Variants in ZNF804A observed in about 807,000 individuals in gnomAD.
ZNF804A encodes zinc finger protein 804A.
Under a neutral mutation model 16.5 loss-of-function variants are expected in ZNF804A, and 2 were observed. That is an observed-to-expected ratio of 0.12 (90% CI 0.05 to 0.38). The LOEUF is 0.38. ZNF804A is among the 10% of genes least tolerant of loss of function. ZNF804A has a pLI of 0.99. For synonymous variants in ZNF804A, 534 were observed against 489.6 expected, an observed-to-expected ratio of 1.09 and a Z score of -1.20; for missense variants, 1,473 against 1,390.7, an observed-to-expected ratio of 1.06 and a Z score of -0.94.
intron 2 of ZNF804A, among the ~76,000 whole-genome samples, chr2:184,877,410 T>C (rs1481843163): frequency 1.3e-5 from 2 of 152,072 alleles, no homozygotes; most frequent in Non-Finnish European, 2.9e-5. Flanking sequence ...AATATTACCA[T>C]CATGTGGAGA....
rs34262998 is a variant in ZNF804A at position 184,607,936 on chromosome 2, C to CTTTTTTTT, written c.111+8886_111+8893dup. On this transcript the variant is annotated intron_variant, in intron 1 of 3. Transcript: ENST00000302277. The stretch of plus-strand genomic sequence containing the variant: ...CACCATGGAGAACCTTGATGCATCT[C>CTTTTTTTT]TTTTTTTTTTTTTTTTTTTTTTTTT... Among the ~76,000 whole-genome samples the CTTTTTTTT allele has an allele frequency of 7.9e-4, 52 of 65,654 alleles. 9 individuals carry two copies. The highest frequency in any genetic ancestry group is 1.5e-3 in the African/African-American group (23 of 15,224). 43.1% of individuals were successfully genotyped at this position (65,654 alleles called of 152,430 possible).
rs112386296 is a variant in ZNF804A, at chr2:184,936,743, G to T, written c.1347G>T (p.Thr449=). 5.5e-3 allele frequency: 8,830 copies of T among 1,613,742 alleles called. 35 individuals are homozygous for T. Among genetic ancestry groups the T allele is most frequent in the Non-Finnish European group, 6.8e-3 (7,970 of 1,179,886 alleles). ...CAGAAATGCTGGTTTATACAACTACGAAACCATCAATTTCCTATAGCTGTA... is the reference window on the plus strand; with the variant it reads ...CAGAAATGCTGGTTTATACAACTACTAAACCATCAATTTCCTATAGCTGTA... ...WPSEMLVYTT[T]KPSISYSCNP... The change falls in exon 4 of 4, where the codon ACG becomes ACT. Residue 449 remains threonine (T), a synonymous_variant. Transcript: ENST00000302277.
intron 1 of ZNF804A, among the ~76,000 whole-genome samples, chr2:184,677,822 G>A (rs966914143): frequency 6.6e-6 from 1 of 151,894 alleles, no homozygotes; most frequent in Non-Finnish European, 1.5e-5. Flanking sequence ...CTATTATACT[G>A]ATAAATCAGC....
intron 1 of ZNF804A, among the ~76,000 whole-genome samples, chr2:184,601,872 T>G (rs951834511): frequency 1.3e-5 from 2 of 151,962 alleles, no homozygotes; most frequent in African/African-American, 4.8e-5. Flanking sequence ...TTTGAGAATT[T>G]TTAAAATTCA....
rs183018188 is a variant in ZNF804A at position 184,925,882 on chromosome 2, T to G, written c.256-7721T>G. ...TTTGTTCCCCTCCTATTTTATTTTT[T>G]GTTGTTTCTGTTTTAATCTTATCTA... is the stretch of plus-strand genomic sequence containing the variant. On this transcript the variant is annotated intron_variant, in intron 2 of 3. Transcript: ENST00000302277. 4.6e-3 allele frequency among the ~76,000 whole-genome samples: 693 copies of G among 151,892 alleles called. 6 individuals carry two copies. The highest frequency in any genetic ancestry group is 0.016 in the African/African-American group (660 of 41,350).
At chr2:184,904,330 A>G (rs1685234686) in intron 2 of ZNF804A, among the ~76,000 whole-genome samples, 1 of 152,096 alleles carries the variant, frequency 6.6e-6, no homozygotes, top group Non-Finnish European at 1.5e-5. Context: ...CTAGTTAAAC[A>G]GTTAAAGTGT....
Position 184,826,815 on chromosome 2 carries a change from A to G in ZNF804A, c.112-39554A>G, listed in dbSNP as rs115425876. On this transcript the variant is annotated intron_variant, in intron 1 of 3. Coordinates refer to ENST00000302277, the MANE Select transcript of ZNF804A (RefSeq NM_194250.2). ...TTTTTTACACTGCATGTATATTTTT[A>G]TATAGTAACAGCATTAAAAACAAAT... 3.3e-3 allele frequency among the ~76,000 whole-genome samples: 498 copies of G among 152,222 alleles called. 5 individuals carry two copies. Among genetic ancestry groups the G allele is most frequent in the African/African-American group, 0.011 (476 of 41,574 alleles).
In ZNF804A at chr2:184,918,076, A is replaced by G. The variant is rs1685478623; in HGVS notation, c.256-15527A>G. Among the ~76,000 whole-genome samples, 3 of 152,128 alleles carry G rather than the reference A, an allele frequency of 2.0e-5. No individual in the cohort carries two copies. In the South Asian group the frequency reaches 6.2e-4, roughly 32 times the overall value. The stretch of plus-strand genomic sequence containing the variant: ...TTTCCATTGATGTCAGTCACAGGAA[A>G]TGGTAATACTAAGATATGCCCTATG... On this transcript the variant is annotated intron_variant, in intron 2 of 3. Coordinates refer to ENST00000302277, the MANE Select transcript of ZNF804A (RefSeq NM_194250.2).
chr2:184,935,368 G>T (rs1306451970), intron 3 of ZNF804A, among the ~76,000 whole-genome samples: 1 of 152,018 alleles, frequency 6.6e-6, no homozygotes, highest in Admixed American at 6.6e-5. Flanking sequence ...ATGATTAAGG[G>T]TTTTGTTTAG....
chr2:184,691,069 G>C (rs570304340), intron 1 of ZNF804A, among the ~76,000 whole-genome samples: 1 of 151,900 alleles, frequency 6.6e-6, no homozygotes, highest in Non-Finnish European at 1.5e-5. Context: ...TATATTTAGC[G>C]GGGTTCACTC....
intron 1 of ZNF804A, among the ~76,000 whole-genome samples, chr2:184,700,034 A>G (rs1692895436): frequency 6.6e-6 from 1 of 152,050 alleles, no homozygotes; most frequent in Non-Finnish European, 1.5e-5. Flanking sequence ...TATACCACTA[A>G]TGTGTTTAAG....
At chr2:184,768,874 A>G (rs571547113) in intron 1 of ZNF804A, among the ~76,000 whole-genome samples, 87 of 152,192 alleles carry the variant, frequency 5.7e-4, no homozygotes, top group African/African-American at 2.0e-3. Flanking sequence ...CAGATCTTTA[A>G]AAAGTATTTA....
chr2:184,684,070 A>C (rs1287700515), intron 1 of ZNF804A, among the ~76,000 whole-genome samples: 1 of 152,202 alleles, frequency 6.6e-6, no homozygotes, highest in Non-Finnish European at 1.5e-5. Context: ...ACGTAATTGT[A>C]AGCAGGCAGA....
At chr2:184,838,733 A>C (rs931775463) in intron 1 of ZNF804A, among the ~76,000 whole-genome samples, 4 of 152,126 alleles carry the variant, frequency 2.6e-5, no homozygotes, top group Admixed American at 6.6e-5. Flanking sequence ...GAAGCTATGT[A>C]TAGCCATAAC....
intron 1 of ZNF804A, among the ~76,000 whole-genome samples, chr2:184,612,448 T>C (rs1347734078): frequency 6.7e-6 from 1 of 150,102 alleles, no homozygotes; most frequent in Admixed American, 6.6e-5. Context: ...TTTTTTTTTT[T>C]TGGGGGGGGG....
chr2:184,826,828 A>C (rs1052134950), intron 1 of ZNF804A, among the ~76,000 whole-genome samples: 1 of 152,144 alleles, frequency 6.6e-6, no homozygotes, highest in African/African-American at 2.4e-5. Context: ...TAGTAACAGC[A>C]TTAAAAACAA....
intron 3 of ZNF804A, among the ~76,000 whole-genome samples, chr2:184,934,382 A>G (rs1685752073): frequency 6.6e-6 from 1 of 152,180 alleles, no homozygotes; most frequent in Admixed American, 6.6e-5. Flanking sequence ...TTGTTTCTCC[A>G]ATCAATAAAG....
chr2:184,725,267 T>C (rs1031881996), intron 1 of ZNF804A, among the ~76,000 whole-genome samples: 1 of 151,728 alleles, frequency 6.6e-6, no homozygotes, highest in African/African-American at 2.4e-5. Flanking sequence ...GAGTTGATTA[T>C]TTTTTAATAT....
chr2:184,780,507 A>G (rs1157637478), intron 1 of ZNF804A, among the ~76,000 whole-genome samples: 3 of 151,626 alleles, frequency 2.0e-5, no homozygotes, highest in Non-Finnish European at 4.4e-5. Context: ...TTGTTTTTCC[A>G]TTTGTGCTTA....
Sources: allele counts gnomAD v4.1 joint callset (sites outside exome capture counted in the v4.1 genomes callset), GRCh38; gene constraint gnomAD v4.1.1; transcripts MANE v1.5; gene names NCBI Gene and HGNC (gene_info 2026-07-23, HGNC 2026-07-21).